Variants in MAP2 observed in about 807,000 individuals in gnomAD.
MAP2 encodes the protein microtubule associated protein 2.
In MAP2, 14 loss-of-function variants were observed where a neutral mutation model predicts 137.6. The observed-to-expected ratio is 0.10, with a 90% CI of 0.07 to 0.16. The LOEUF (loss-of-function observed/expected upper bound fraction) is 0.16, where lower values mean the gene tolerates loss of function less well. Ranked by LOEUF, MAP2 falls within the 10% of genes least tolerant of loss-of-function variation. MAP2 has a pLI of 1.00. For synonymous variants in MAP2, 786 were observed against 782.3 expected, an observed-to-expected ratio of 1.00 and a Z score of -0.08; for missense variants, 2,088 against 2,191.5, an observed-to-expected ratio of 0.95 and a Z score of 0.94.
chr2:209,468,524 G>C (rs1347450980), intron 1 of MAP2, among the ~76,000 whole-genome samples: 1 of 151,726 alleles, frequency 6.6e-6, no homozygotes, highest in Non-Finnish European at 1.5e-5. Context: ...GTTTCACCAT[G>C]TTAGCCAGGA....
At chr2:209,468,886 G>A (rs1472797197) in intron 1 of MAP2, among the ~76,000 whole-genome samples, 1 of 152,160 alleles carries the variant, frequency 6.6e-6, no homozygotes, top group African/African-American at 2.4e-5. Flanking sequence ...TAATGTTGAT[G>A]GGACTGCTCC....
intron 5 of MAP2, among the ~76,000 whole-genome samples, chr2:209,667,016 C>T (rs1384846525): frequency 6.6e-6 from 1 of 151,088 alleles, no homozygotes; most frequent in East Asian, 1.9e-4. Context: ...TTTTCTTCAC[C>T]AGTTCTGTGG....
intron 1 of MAP2, among the ~76,000 whole-genome samples, chr2:209,426,488 C>T (rs1247090707): frequency 6.6e-6 from 1 of 152,148 alleles, no homozygotes; most frequent in Non-Finnish European, 1.5e-5. Flanking sequence ...CTCTGCAGCA[C>T]CTCTCAGGAT....
Position 209,733,265 on chromosome 2 carries a change from CATG to C in MAP2, c.*2873_*2875del, listed in dbSNP as rs1320383161. ...TAATGATGCAGGAAAGACCCGAGTT[CATG>C]ATGAGTTTCAAAGGCCACGTTCATT... On this transcript the variant is annotated 3_prime_UTR_variant, in exon 16 of 16. Transcript: ENST00000682079. The C allele has an allele frequency of 6.6e-6, 1 of 152,554 alleles. No individual in the cohort carries two copies. Among genetic ancestry groups the C allele is most frequent in the African/African-American group, 2.4e-5 (1 of 41,420 alleles). 9.5% of individuals were successfully genotyped at this position (152,554 alleles called of 1,614,324 possible). A position where few individuals can be genotyped will look rare whatever the true frequency, so the allele number is the denominator to read the frequency against.
At chr2:209,557,338 T>A (rs2153330688) in intron 2 of MAP2, among the ~76,000 whole-genome samples, 1 of 152,314 alleles carries the variant, frequency 6.6e-6, no homozygotes. Flanking sequence ...GTTGTTTCCG[T>A]TACCTGTCTG....
At chr2:209,598,231 T>C (rs559731314) in intron 3 of MAP2, among the ~76,000 whole-genome samples, 1 of 151,974 alleles carries the variant, frequency 6.6e-6, no homozygotes, top group South Asian at 2.1e-4. Context: ...GGTCGCGAAC[T>C]CCTGATCTTG....
chr2:209,540,673 A>G (rs1208915009), intron 2 of MAP2, among the ~76,000 whole-genome samples: 1 of 148,736 alleles, frequency 6.7e-6, no homozygotes, highest in African/African-American at 2.6e-5. Flanking sequence ...GAAGAAAAGA[A>G]AAGAAAATCA....
At chr2:209,512,933 C>A (rs1262825473) in intron 2 of MAP2, among the ~76,000 whole-genome samples, 7 of 152,176 alleles carry the variant, frequency 4.6e-5, no homozygotes, top group Non-Finnish European at 1.0e-4. Context: ...AGGCATGAGA[C>A]ACTGCACGCA....
intron 2 of MAP2, among the ~76,000 whole-genome samples, chr2:209,576,432 T>C (rs985930514): frequency 6.6e-6 from 1 of 151,604 alleles, no homozygotes; most frequent in Non-Finnish European, 1.5e-5. Context: ...TTTTTTTTAG[T>C]AGAGATGGGG....
At chr2:209,671,309 C>T (rs1005771506) in intron 5 of MAP2, among the ~76,000 whole-genome samples, 1 of 151,934 alleles carries the variant, frequency 6.6e-6, no homozygotes, top group Non-Finnish European at 1.5e-5. Flanking sequence ...TAATTTCCTT[C>T]ATCATCAGTT....
At chr2:209,447,604 G>A (rs1311557410) in intron 1 of MAP2, among the ~76,000 whole-genome samples, 1 of 152,044 alleles carries the variant, frequency 6.6e-6, no homozygotes, top group African/African-American at 2.4e-5. Context: ...CTCACATGCT[G>A]ATGGAGAGGG....
intron 1 of MAP2, among the ~76,000 whole-genome samples, chr2:209,437,128 G>A (rs1381734430): frequency 2.6e-5 from 4 of 151,626 alleles, no homozygotes; most frequent in Non-Finnish European, 1.5e-5. Flanking sequence ...AAATTATAAT[G>A]TGTGTGTGAA....
intron 5 of MAP2, among the ~76,000 whole-genome samples, chr2:209,655,724 A>G (rs940555495): frequency 1.3e-5 from 2 of 152,218 alleles, no homozygotes; most frequent in African/African-American, 4.8e-5. Flanking sequence ...AAAAAGGACC[A>G]GGGATCTATA....
At chr2:209,568,045 C>G (rs1340722457) in intron 2 of MAP2, among the ~76,000 whole-genome samples, 1 of 152,002 alleles carries the variant, frequency 6.6e-6, no homozygotes, top group South Asian at 2.1e-4. Flanking sequence ...TGAATACATT[C>G]TAAATATTCA....
At chr2:209,672,318 A>C (rs1294595939) in intron 5 of MAP2, among the ~76,000 whole-genome samples, 1 of 151,916 alleles carries the variant, frequency 6.6e-6, no homozygotes, top group African/African-American at 2.4e-5. Flanking sequence ...AAATGACAGA[A>C]TAATCTCAGT....
intron 13 of MAP2, among the ~76,000 whole-genome samples, chr2:209,713,613 TGTAGCTAGCC>T (rs2153780099): frequency 6.6e-6 from 1 of 152,342 alleles, no homozygotes; most frequent in Admixed American, 6.5e-5. Flanking sequence ...AACTGCTCTA[TGTAGCTAGCC>T]TCTCAATCTA....
At chr2:209,609,036 A>G (rs1056373217) in intron 3 of MAP2, among the ~76,000 whole-genome samples, 4 of 152,050 alleles carry the variant, frequency 2.6e-5, no homozygotes, top group African/African-American at 9.7e-5. Context: ...CTCTCACCCT[A>G]TACTTTGTGT....
intron 5 of MAP2, among the ~76,000 whole-genome samples, chr2:209,659,695 T>A (rs571150461): frequency 1.6e-4 from 24 of 152,262 alleles, no homozygotes; most frequent in African/African-American, 5.8e-4. Context: ...CTTTAGTGAT[T>A]TTTGACTATC....
rs187569546 is a variant in MAP2, at chr2:209,596,253, T to C, written c.-107+16153T>C. Among the ~76,000 whole-genome samples the C allele has an allele frequency of 3.1e-3, 466 of 152,320 alleles. 1 individual carries two copies. The highest frequency in any genetic ancestry group is 5.2e-3 in the Non-Finnish European group (356 of 68,028). On this transcript the variant is annotated intron_variant, in intron 3 of 15. Transcript: ENST00000682079. ...TACTGGAAACCATTTGCGGATATGA[T>C]AAAATGTGTATTTTCCCTAAATTAT...
Sources: gnomAD v4.1 joint callset for allele counts (sites outside exome capture counted in the v4.1 genomes callset) on GRCh38, gnomAD v4.1.1 for gene constraint, MANE v1.5 for transcripts, NCBI Gene and HGNC (gene_info 2026-07-23, HGNC 2026-07-21) for gene names.